The following CDC42 variants were observed in gnomAD, a reference collection of about 807,000 sequenced individuals.
CDC42 encodes cell division control protein 42 homolog.
In CDC42, 1 loss-of-function variant was observed where a neutral mutation model predicts 20.8. The ratio of observed to expected loss-of-function variants is 0.05; its 90% CI spans 0.02 to 0.23. The LOEUF (loss-of-function observed/expected upper bound fraction) is 0.23. CDC42 is among the 10% of genes least tolerant of loss of function. The pLI is 1.00. For missense variants in CDC42, 49 were observed against 227.9 expected (o/e 0.21, Z 5.05); for synonymous variants, 72 against 84.8 (o/e 0.85, Z 0.83).
In CDC42 at chr1:22,095,949, ATTT is replaced by A. The variant is rs201495576; in HGVS notation, c.*4433_*4435del. 0.012 allele frequency among the ~76,000 whole-genome samples: 1,642 copies of A among 139,558 alleles called. 26 individuals are homozygous for A. The highest frequency in any genetic ancestry group is 0.046 in the African/African-American group (1,546 of 33,284). 91.6% of individuals were successfully genotyped at this position (139,558 alleles called of 152,430 possible). A position where few individuals can be genotyped will look rare whatever the true frequency, so the allele number is the denominator to read the frequency against. ...GCTATTCATTCATTTTTTTAAAAAA[ATTT>A]ATTTATTTATTTATTTATTTATTTT... On this transcript the variant is annotated 3_prime_UTR_variant, in exon 6 of 6. Transcript: ENST00000656825.
At chr1:22,082,740 G>T (rs370104543) in intron 3 of CDC42, among the ~76,000 whole-genome samples, 10 of 152,080 alleles carry the variant, frequency 6.6e-5, no homozygotes, top group African/African-American at 1.7e-4. Flanking sequence ...AAAGATTAGA[G>T]AAATTTTTAA....
chr1:22,058,778 C>G (rs532481256), intron 1 of CDC42, among the ~76,000 whole-genome samples: 1 of 151,790 alleles, frequency 6.6e-6, no homozygotes, highest in Non-Finnish European at 1.5e-5. Flanking sequence ...GGATTACAGG[C>G]GTGAACCACC....
intron 1 of CDC42, 70 bp from the exon 2 acceptor site, chr1:22,078,359 C>A: frequency 1.5e-6 from 1 of 668,102 alleles, no homozygotes; most frequent in Admixed American, 3.0e-5. Context: ...GTGCCTGAAC[C>A]TGTTGCTAAG....
At chr1:22,054,427 G>A (rs1645272841) in intron 1 of CDC42, among the ~76,000 whole-genome samples, 1 of 151,972 alleles carries the variant, frequency 6.6e-6, no homozygotes, top group African/African-American at 2.4e-5. Context: ...TGTTGCCCAG[G>A]CTGGTCTCGG....
At chr1:22,066,695 G>A (rs558695862) in intron 1 of CDC42, among the ~76,000 whole-genome samples, 4 of 56,228 alleles carry the variant, frequency 7.1e-5, no homozygotes, top group Admixed American at 4.9e-4. Context: ...TGGAGGAGAT[G>A]ATGATTCGAG....
chr1:22,095,229 C>T lies in CDC42; in HGVS notation c.*3712C>T, dbSNP rs1292542524. 6.6e-6 allele frequency among the ~76,000 whole-genome samples: 1 copy of T among 152,044 alleles called. No individual in the cohort carries two copies. Among genetic ancestry groups the T allele is most frequent in the African/African-American group, 2.4e-5 (1 of 41,394 alleles). On this transcript the variant is annotated 3_prime_UTR_variant, in exon 6 of 6. Transcript: ENST00000656825. ...ACTTCAGATCATGGTGATTTAATTA[C>T]ATGGCCCAATCATGTTTTCTTTCCA... is the stretch of plus-strand genomic sequence containing the variant.
chr1:22,084,250 C>T (rs114878335), intron 3 of CDC42, among the ~76,000 whole-genome samples: 7,553 of 151,282 alleles, frequency 0.05, 332 homozygotes, highest in African/African-American at 0.13. Flanking sequence ...TATTGTTTTC[C>T]ACAGTGGCTG....
chr1:22,073,350 A>G (rs1239211374), intron 1 of CDC42, among the ~76,000 whole-genome samples: 3 of 151,840 alleles, frequency 2.0e-5, no homozygotes. Flanking sequence ...CAGCCTGGCC[A>G]ATGTGGCGAA....
intron 2 of CDC42, 77 bp from the exon 3 acceptor site, chr1:22,081,645 C>T: frequency 1.2e-6 from 1 of 863,054 alleles, no homozygotes; most frequent in Non-Finnish European, 1.9e-6. Context: ...GGAAACACTG[C>T]CTTAGCTTAA....
Position 22,098,609 on chromosome 1 carries a change from TA to T in CDC42, c.*7095del, listed in dbSNP as rs1295612929. Among the ~76,000 whole-genome samples the T allele has an allele frequency of 1.3e-5, 2 of 152,252 alleles. No homozygotes were observed. The highest frequency in any genetic ancestry group is 3.8e-4 in the East Asian group (2 of 5,204). On this transcript the variant is annotated 3_prime_UTR_variant, in exon 6 of 6. Coordinates refer to ENST00000656825, the MANE Select transcript of CDC42 (RefSeq NM_001791.4). ...GATCTGAGCACCATTTAAATTTTTA[TA>T]AATTATTTTTTAGAGGCATCACTTC... is the stretch of plus-strand genomic sequence containing the variant.
At chr1:22,081,679 T>A in intron 2 of CDC42, 43 bp from the exon 3 acceptor site, 1 of 1,244,798 alleles carries the variant, frequency 8.0e-7, no homozygotes, top group Non-Finnish European at 1.2e-6. Flanking sequence ...CCATTTTAAC[T>A]CTCTCCTTGC....
In CDC42 at chr1:22,098,506, G is replaced by C. The variant is rs1645771339; in HGVS notation, c.*6989G>C. Among the ~76,000 whole-genome samples the C allele has an allele frequency of 6.6e-6, 1 of 152,128 alleles. No homozygotes were observed. Among genetic ancestry groups the C allele is most frequent in the African/African-American group, 2.4e-5 (1 of 41,420 alleles). On this transcript the variant is annotated 3_prime_UTR_variant, in exon 6 of 6. Coordinates refer to ENST00000656825, the MANE Select transcript of CDC42 (RefSeq NM_001791.4). ...TTTGAAACTTTGAAAAAGTTAAAAG[G>C]GTTCTGTGTAATGTTACCTAAGAAG... is the stretch of plus-strand genomic sequence containing the variant.
chr1:22,072,628 A>G (rs1645504900), intron 1 of CDC42, among the ~76,000 whole-genome samples: 1 of 152,060 alleles, frequency 6.6e-6, no homozygotes, highest in South Asian at 2.1e-4. Flanking sequence ...TGGGGCTGAA[A>G]GTTACATCCC....
intron 3 of CDC42, among the ~76,000 whole-genome samples, chr1:22,082,213 T>A (rs1356685867): frequency 6.6e-6 from 1 of 150,728 alleles, no homozygotes; most frequent in Non-Finnish European, 1.5e-5. Context: ...GTTTCCTAAA[T>A]ATGCCTAAGG....
intron 1 of CDC42, among the ~76,000 whole-genome samples, chr1:22,060,237 C>G (rs1645348083): frequency 6.6e-6 from 1 of 152,016 alleles, no homozygotes; most frequent in African/African-American, 2.4e-5. Context: ...ACTTGAGAGG[C>G]TGAGGCACGA....
At chr1:22,085,230 TAAAAA>T (rs552267987) in intron 3 of CDC42, among the ~76,000 whole-genome samples, 4 of 17,496 alleles carry the variant, frequency 2.3e-4, no homozygotes, top group Non-Finnish European at 3.1e-4. Context: ...AGACTCTGTC[TAAAAA>T]AAAAAAAAAA....
rs776733380 is a variant in CDC42, at chr1:22,091,424, T to C, written c.487-4T>C. ...GCCCATTTTTTCTTTCTACCCCTTT[T>C]CAGAAAGGCCTAAAGAATGTATTTG... On this transcript the variant is annotated splice_region_variant and splice_polypyrimidine_tract_variant and intron_variant, in intron 5 of 5. Transcript: ENST00000656825. 6.2e-7 allele frequency: 1 copy of C among 1,602,860 alleles called. No homozygotes were observed. The highest frequency in any genetic ancestry group is 8.5e-7 in the Non-Finnish European group (1 of 1,173,936).
chr1:22,076,558 T>A (rs1055665092), intron 1 of CDC42, among the ~76,000 whole-genome samples: 3 of 152,188 alleles, frequency 2.0e-5, no homozygotes, highest in African/African-American at 7.2e-5. Context: ...ACTCTTCTTA[T>A]CTGTAAAATA....
Position 22,094,328 on chromosome 1 carries a change from C to T in CDC42, c.*2811C>T, listed in dbSNP as rs1196919846. On this transcript the variant is annotated 3_prime_UTR_variant, in exon 6 of 6. Transcript: ENST00000656825. ...TTTTTTTTTTTTTGAGACGGAGTCT[C>T]GCTCTGTCGCCCAGGCTGGAGTGCA... Among the ~76,000 whole-genome samples, 2 of 10,600 alleles carry T rather than the reference C, an allele frequency of 1.9e-4. No homozygotes were observed. The highest frequency in any genetic ancestry group is 3.5e-4 in the African/African-American group (1 of 2,886). The allele number at this position is 10,600 out of a possible 152,430, so 7.0% of individuals were successfully genotyped here.
Sources: allele counts gnomAD v4.1 joint callset (sites outside exome capture counted in the v4.1 genomes callset), GRCh38; gene constraint gnomAD v4.1.1; transcripts MANE v1.5; gene names NCBI Gene and HGNC (gene_info 2026-07-23, HGNC 2026-07-21).